Variants in ICE2 observed in about 807,000 individuals in gnomAD.
The protein encoded by ICE2 is interactor of little elongation complex ELL subunit 2.
ICE2 carries 87 observed loss-of-function variants against 105.4 expected under a neutral mutation model. That is an observed-to-expected ratio of 0.83 (90% CI 0.69 to 0.99). ICE2 has a LOEUF of 0.99. Ranked by LOEUF, ICE2 falls within the 50% of genes least tolerant of loss-of-function variation. The pLI is 0.00. For synonymous variants in ICE2, 399 were observed against 392.0 expected (o/e 1.02, Z -0.21); for missense variants, 1,323 against 1,146.7 (o/e 1.15, Z -2.22).
At chr15:60,455,961 C>G (rs1468054939) in intron 6 of ICE2, among the ~76,000 whole-genome samples, 1 of 152,018 alleles carries the variant, frequency 6.6e-6, no homozygotes, top group Non-Finnish European at 1.5e-5. Flanking sequence ...CTATCCTCTC[C>G]TTTCAGGAGA....
chr15:60,447,918 A>G, intron 11 of ICE2, 52 bp downstream of exon 11: 1 of 1,385,026 alleles, frequency 7.2e-7, no homozygotes, highest in Non-Finnish European at 1.0e-6. Context: ...CATGTTAAGT[A>G]TCTATTGATT....
At chr15:60,453,346 C>A in intron 9 of ICE2, 1 of 1,229,398 alleles carries the variant, frequency 8.1e-7, no homozygotes, top group Non-Finnish European at 1.0e-6. Flanking sequence ...CAGCCTTTAA[C>A]ATAAAATATC....
intron 3 of ICE2, among the ~76,000 whole-genome samples, chr15:60,469,020 T>A (rs1023625585): frequency 5.9e-5 from 9 of 152,188 alleles, no homozygotes; most frequent in Non-Finnish European, 1.2e-4. Flanking sequence ...CAGAACCTGT[T>A]ACCATATGTG....
intron 11 of ICE2, among the ~76,000 whole-genome samples, chr15:60,447,201 ATATGTG>A (rs1448779990): frequency 6.6e-6 from 1 of 152,196 alleles, no homozygotes; most frequent in African/African-American, 2.4e-5. Flanking sequence ...AAGACCTTAC[ATATGTG>A]TGAAAGGCCA....
intron 9 of ICE2, 149 bp downstream of exon 9, chr15:60,453,454 A>G (rs2064015923): frequency 9.9e-6 from 14 of 1,411,442 alleles, no homozygotes; most frequent in East Asian, 5.1e-5. Flanking sequence ...TTAGTTGCCT[A>G]AAGTCCAGCT....
chr15:60,468,339 A>T lies in ICE2; in HGVS notation c.147-17T>A. 1 of 1,576,022 alleles carries T rather than the reference A, an allele frequency of 6.3e-7. No homozygotes were observed. Among genetic ancestry groups the T allele is most frequent in the South Asian group, 1.1e-5 (1 of 87,870 alleles). On this transcript the variant is annotated splice_polypyrimidine_tract_variant and intron_variant, in intron 3 of 15. Transcript: ENST00000261520. ...CCTATACGTCTGGAAAACAAAATAT[A>T]ATTTACAAATATGTGCTTTTCACAT...
Position 60,420,648 on chromosome 15 carries a change from A to G in ICE2, c.*2986T>C, listed in dbSNP as rs1361417490. The G allele has an allele frequency of 6.6e-6, 1 of 152,152 alleles. No homozygotes were observed. Among genetic ancestry groups the G allele is most frequent in the Non-Finnish European group, 1.5e-5 (1 of 68,036 alleles). The allele number at this position is 152,152 out of a possible 1,614,324, so 9.4% of individuals were successfully genotyped here. ...ACTTTCACCTTTTCATAGGCTGCTTAGTTTCACTTAGTTTCTTTGTGGAAG... is the reference window on the plus strand; with the variant it reads ...ACTTTCACCTTTTCATAGGCTGCTTGGTTTCACTTAGTTTCTTTGTGGAAG... On this transcript the variant is annotated 3_prime_UTR_variant, in exon 16 of 16. Coordinates refer to ENST00000261520, the MANE Select transcript of ICE2 (RefSeq NM_024611.6).
intron 5 of ICE2, among the ~76,000 whole-genome samples, chr15:60,459,533 C>T (rs1043369234): frequency 6.6e-6 from 1 of 152,022 alleles, no homozygotes; most frequent in South Asian, 2.1e-4. Context: ...CATAGGTTTT[C>T]AGGAAGAATG....
intron 9 of ICE2, chr15:60,453,251 A>T: frequency 9.8e-7 from 1 of 1,016,458 alleles, no homozygotes. Context: ...AAACTCTTGA[A>T]TATGAATGAG....
In ICE2 at chr15:60,448,032, G is replaced by A. The variant is rs769877410; in HGVS notation, c.2233C>T (p.Arg745Cys). 14 of 1,613,642 alleles carry A rather than the reference G, an allele frequency of 8.7e-6. No homozygotes were observed. Among genetic ancestry groups the A allele is most frequent in the African/African-American group, 1.3e-5 (1 of 74,870 alleles). ...FSLQDLLLLV[R>C]CSVQRIETRP... ...GTCTCTATCCTCTGGACACTGCAGC[G>A]TACGAGTAACAACAGGTCTTGCAGG... The change falls in exon 11 of 16, where the codon CGC (arginine) becomes TGC (cysteine). Residue 745 changes from arginine (R) to cysteine (C), a missense_variant. By Grantham distance (180) the Arg-to-Cys change is radical. Transcript: ENST00000261520.
chr15:60,431,047 T>C (rs1271154104), intron 14 of ICE2, among the ~76,000 whole-genome samples: 1 of 152,116 alleles, frequency 6.6e-6, no homozygotes, highest in Non-Finnish European at 1.5e-5. Flanking sequence ...AATTTTTTTG[T>C]ATTTTTAGTA....
intron 3 of ICE2, among the ~76,000 whole-genome samples, chr15:60,474,976 A>G (rs2064717301): frequency 6.6e-6 from 1 of 152,176 alleles, no homozygotes; most frequent in Non-Finnish European, 1.5e-5. Flanking sequence ...AACAAAAACG[A>G]AAAAGTAATC....
intron 5 of ICE2, among the ~76,000 whole-genome samples, chr15:60,458,316 ACT>A (rs1319664123): frequency 1.3e-5 from 2 of 152,226 alleles, no homozygotes; most frequent in African/African-American, 4.8e-5. Context: ...AGTATTTAAT[ACT>A]CAAAATATCT....
At chr15:60,470,088 T>C (rs1157446868) in intron 3 of ICE2, among the ~76,000 whole-genome samples, 1 of 152,204 alleles carries the variant, frequency 6.6e-6, no homozygotes, top group African/African-American at 2.4e-5. Context: ...TCATTCTTCA[T>C]TCCTCCATTT....
intron 13 of ICE2, among the ~76,000 whole-genome samples, chr15:60,434,499 GATGA>G (rs1335394058): frequency 6.8e-6 from 1 of 147,848 alleles, no homozygotes; most frequent in Non-Finnish European, 1.5e-5. Flanking sequence ...TCCATCAATG[GATGA>G]ATGAATAAAA....
At chr15:60,446,562 A>T (rs533720303) in intron 11 of ICE2, among the ~76,000 whole-genome samples, 1 of 152,182 alleles carries the variant, frequency 6.6e-6, no homozygotes, top group South Asian at 2.1e-4. Context: ...TACCCGGCTA[A>T]TTTTTTGTAT....
rs1479206706 is a variant in ICE2 at position 60,476,142 on chromosome 15, T to C, written c.67A>G (p.Lys23Glu). The C allele has an allele frequency of 6.2e-7, 1 of 1,602,528 alleles. No individual in the cohort carries two copies. Among genetic ancestry groups the C allele is most frequent in the Non-Finnish European group, 8.5e-7 (1 of 1,176,256 alleles). ...NWDISPKNGL[K>E]TFFSRENYKD... Reference sequence around the variant, plus strand: ...TAATTTTCTCGAGAGAAAAATGTCTTAAGGCCATTTTTGGGGGAAATATCC... The same window carrying C: ...TAATTTTCTCGAGAGAAAAATGTCTCAAGGCCATTTTTGGGGGAAATATCC... Residue 23 changes from lysine (K) to glutamate (E), a missense_variant, in exon 3 of 16, where the codon AAG (lysine) becomes GAG (glutamate). Lys to Glu is a moderately conservative substitution (Grantham distance 56). Coordinates refer to ENST00000261520, the MANE Select transcript of ICE2 (RefSeq NM_024611.6).
At chr15:60,477,615 A>G (rs1377238517) in intron 2 of ICE2, among the ~76,000 whole-genome samples, 2 of 152,192 alleles carry the variant, frequency 1.3e-5, no homozygotes, top group East Asian at 3.8e-4. Context: ...TATTACTTGT[A>G]TGGAAATGGG....
intron 12 of ICE2, among the ~76,000 whole-genome samples, chr15:60,437,305 T>A (rs1015998666): frequency 1.1e-4 from 16 of 151,652 alleles, no homozygotes; most frequent in Non-Finnish European, 2.1e-4. Flanking sequence ...TTTCCCAAAG[T>A]TAAAAAAAAA....
Sources: allele counts gnomAD v4.1 joint callset (sites outside exome capture counted in the v4.1 genomes callset), GRCh38; gene constraint gnomAD v4.1.1; transcripts MANE v1.5; gene names NCBI Gene and HGNC (gene_info 2026-07-23, HGNC 2026-07-21).